The following FAM220A variants were observed in gnomAD, a reference collection of about 807,000 sequenced individuals.
FAM220A encodes family with sequence similarity 220 member A, also known as protein FAM220A.
For synonymous variants in FAM220A, 141 were observed against 130.7 expected (o/e 1.08, Z -0.54); for missense variants, 392 against 321.6 (o/e 1.22, Z -1.68).
chr7:6,340,965 T>TAAAAA (rs149288000), intron 1 of FAM220A, among the ~76,000 whole-genome samples: 8 of 87,438 alleles, frequency 9.1e-5, no homozygotes, highest in East Asian at 3.5e-4. Flanking sequence ...CTGTCTCTAC[T>TAAAAA]AAAAAAAAAA....
intron 1 of FAM220A, among the ~76,000 whole-genome samples, chr7:6,347,324 G>A (rs1272656597): frequency 2.6e-5 from 4 of 152,174 alleles, no homozygotes; most frequent in African/African-American, 7.2e-5. Context: ...AGACCAGCCT[G>A]GCCAACATGG....
At position 6,330,182 on chromosome 7, in the gene FAM220A, A is replaced by G. The variant is rs1781599479; in HGVS notation, c.*193T>C. 18 of 610,152 alleles carry G rather than the reference A, an allele frequency of 3.0e-5. No homozygotes were observed. The South Asian group carries it at 3.6e-4, about 12-fold the overall frequency. The allele number at this position is 610,152 out of a possible 1,614,324, so 37.8% of individuals were successfully genotyped here. ...TTATATGTCTTTTAAAGCACAATTT[A>G]ACACATGCCAAAAAAGTTCCTTCCG... On this transcript the variant is annotated 3_prime_UTR_variant, in exon 2 of 2. Coordinates refer to ENST00000313324, the MANE Select transcript of FAM220A (RefSeq NM_001037163.2).
chr7:6,333,949 C>G (rs1426244254), intron 1 of FAM220A, among the ~76,000 whole-genome samples: 5 of 150,576 alleles, frequency 3.3e-5, no homozygotes, highest in African/African-American at 9.8e-5. Context: ...CGGGTTCACG[C>G]CATTCTCCTG....
intron 1 of FAM220A, among the ~76,000 whole-genome samples, chr7:6,341,705 T>C (rs1302572040): frequency 2.8e-5 from 4 of 142,596 alleles, no homozygotes; most frequent in African/African-American, 2.6e-5. Flanking sequence ...AAAAAAAAAA[T>C]TATGAGTGCG....
At chr7:6,346,772 G>A (rs965568163) in intron 1 of FAM220A, among the ~76,000 whole-genome samples, 1 of 152,106 alleles carries the variant, frequency 6.6e-6, no homozygotes, top group East Asian at 1.9e-4. Flanking sequence ...CTGAAGACCT[G>A]CTACTGGGAC....
rs2115125192 is a variant in FAM220A, at chr7:6,330,940, G to A, written c.215C>T (p.Ala72Val). Residue 72 changes from alanine (A) to valine (V), a missense_variant, in exon 2 of 2, where the codon GCT (alanine) becomes GTT (valine). By Grantham distance (64) the Ala-to-Val change is moderately conservative (BLOSUM62 0). Coordinates refer to ENST00000313324, the MANE Select transcript of FAM220A (RefSeq NM_001037163.2). ...GCCGCCACTGTGAAGCCAGAGGCCA[G>A]CCCCGCTCGGATCCTTTCTCATTTC... ...SLEMRKDPSG[A>V]GLWLHSGGPV... The A allele has an allele frequency of 1.2e-6, 2 of 1,614,238 alleles. No individual in the cohort carries two copies. The highest frequency in any genetic ancestry group is 1.7e-6 in the Non-Finnish European group (2 of 1,180,052).
intron 1 of FAM220A, among the ~76,000 whole-genome samples, chr7:6,337,994 T>C (rs1304403337): frequency 6.7e-6 from 1 of 149,646 alleles, no homozygotes. Flanking sequence ...AGTAGAGACA[T>C]GGTTTCACCA....
intron 1 of FAM220A, among the ~76,000 whole-genome samples, chr7:6,346,629 C>T (rs1261543711): frequency 6.6e-6 from 1 of 152,156 alleles, no homozygotes; most frequent in Non-Finnish European, 1.5e-5. Flanking sequence ...GACGCAGACA[C>T]CTTGGCCTCC....
chr7:6,343,309 G>A (rs918920516), intron 1 of FAM220A, among the ~76,000 whole-genome samples: 5 of 149,490 alleles, frequency 3.3e-5, no homozygotes, highest in Non-Finnish European at 5.9e-5. Flanking sequence ...CCTGGGAAGC[G>A]GAGGTTGCAG....
rs947104743 is a variant in FAM220A at position 6,331,179 on chromosome 7, G to A, written c.-25C>T. 1.3e-6 allele frequency: 2 copies of A among 1,592,476 alleles called. No homozygotes were observed. Among genetic ancestry groups the A allele is most frequent in the African/African-American group, 2.7e-5 (2 of 74,298 alleles). On this transcript the variant is annotated 5_prime_UTR_variant, in exon 2 of 2. Transcript: ENST00000313324. The stretch of plus-strand genomic sequence containing the variant: ...TGCTTCGTGTTCTTGGATGCGGTGG[G>A]CCTGAGGTCACGCCTTCGTCAGTCT...
intron 1 of FAM220A, among the ~76,000 whole-genome samples, chr7:6,334,668 G>A (rs1335445162): frequency 2.0e-5 from 3 of 151,970 alleles, no homozygotes; most frequent in Non-Finnish European, 4.4e-5. Flanking sequence ...GGTTCCACGA[G>A]TTGCCCAGGC....
chr7:6,347,405 A>G (rs967944196), intron 1 of FAM220A, among the ~76,000 whole-genome samples: 7 of 151,982 alleles, frequency 4.6e-5, no homozygotes, highest in African/African-American at 1.7e-4. Flanking sequence ...AGTCCCAGCT[A>G]CTCAGGAGGC....
chr7:6,345,229 C>T (rs552321526), intron 1 of FAM220A, among the ~76,000 whole-genome samples: 1 of 151,372 alleles, frequency 6.6e-6, no homozygotes, highest in Admixed American at 6.6e-5. Context: ...GCGATCCTCC[C>T]ACCTCTGCCT....
At chr7:6,333,954 C>G (rs1009695906) in intron 1 of FAM220A, among the ~76,000 whole-genome samples, 1 of 148,994 alleles carries the variant, frequency 6.7e-6, no homozygotes, top group Non-Finnish European at 1.5e-5. Context: ...TCACGCCATT[C>G]TCCTGCCTCA....
intron 1 of FAM220A, among the ~76,000 whole-genome samples, chr7:6,334,676 G>T (rs1305176102): frequency 6.6e-6 from 1 of 152,040 alleles, no homozygotes; most frequent in Non-Finnish European, 1.5e-5. Flanking sequence ...GAGTTGCCCA[G>T]GCTGGTCTCA....
At chr7:6,340,370 G>A (rs766643984) in intron 1 of FAM220A, among the ~76,000 whole-genome samples, 5 of 152,162 alleles carry the variant, frequency 3.3e-5, no homozygotes, top group Admixed American at 6.6e-5. Context: ...GGGTTGGTGC[G>A]GTGGAGGACG....
In FAM220A at chr7:6,331,216, C is replaced by T; in HGVS notation, c.-62G>A. The T allele has an allele frequency of 6.8e-7, 1 of 1,476,522 alleles. No homozygotes were observed. The highest frequency in any genetic ancestry group is 9.2e-7 in the Non-Finnish European group (1 of 1,091,546). The allele number at this position is 1,476,522 out of a possible 1,614,324, so 91.5% of individuals were successfully genotyped here. A position where few individuals can be genotyped will look rare whatever the true frequency, so the allele number is the denominator to read the frequency against. On this transcript the variant is annotated 5_prime_UTR_variant, in exon 2 of 2. An upstream open reading frame in the 5' UTR loses its in-frame stop. Coordinates refer to ENST00000313324, the MANE Select transcript of FAM220A (RefSeq NM_001037163.2). ...GCCTTCGTCAGTCTGGGAGGGCCTT[C>T]AATGGATCTCAATATGAACCTAGGA...
At chr7:6,333,002 T>C (rs1781667505) in intron 1 of FAM220A, among the ~76,000 whole-genome samples, 1 of 151,284 alleles carries the variant, frequency 6.6e-6, no homozygotes. Flanking sequence ...CTATCAAAAA[T>C]AGAAAACAGC....
chr7:6,333,933 A>G (rs113918424), intron 1 of FAM220A, among the ~76,000 whole-genome samples: 7,029 of 133,910 alleles, frequency 0.052, 243 homozygotes, highest in Middle Eastern at 0.11. Context: ...TAAAAGCTCC[A>G]CCTCCCGGGT....
Sources: gnomAD v4.1 joint callset for allele counts (sites outside exome capture counted in the v4.1 genomes callset) on GRCh38, gnomAD v4.1.1 for gene constraint, MANE v1.5 for transcripts, NCBI Gene and HGNC (gene_info 2026-07-23, HGNC 2026-07-21) for gene names.